The following PARP16 variants were observed in gnomAD, a reference collection of about 807,000 sequenced individuals.
PARP16 encodes the protein protein mono-ADP-ribosyltransferase PARP16.
PARP16 carries 31 observed loss-of-function variants against 35.0 expected under a neutral mutation model. The ratio of observed to expected loss-of-function variants is 0.88; its 90% CI spans 0.66 to 1.19. The LOEUF is 1.19. PARP16 is among the 50% of genes most tolerant of loss of function. The pLI, the probability that PARP16 is intolerant of heterozygous loss-of-function variation, is 0.00. For synonymous variants in PARP16, 162 were observed against 169.5 expected (o/e 0.96, Z 0.34); for missense variants, 424 against 411.2 (o/e 1.03, Z -0.27).
At chr15:65,273,316 A>G (rs1434632452) in intron 1 of PARP16, among the ~76,000 whole-genome samples, 18 of 138,894 alleles carry the variant, frequency 1.3e-4, no homozygotes, top group Non-Finnish European at 1.4e-4. Context: ...GTTCTTTTCC[A>G]TTTTTCTAGA....
chr15:65,244,898 C>G (rs1164439529), intron 3 of PARP16, among the ~76,000 whole-genome samples: 2 of 152,220 alleles, frequency 1.3e-5, no homozygotes, highest in African/African-American at 2.4e-5. Flanking sequence ...GAGTGGGCCA[C>G]TTACTCTGTG....
intron 2 of PARP16, among the ~76,000 whole-genome samples, chr15:65,250,848 C>T (rs34711258): frequency 0.38 from 58,365 of 151,942 alleles, 13,398 homozygotes; most frequent in East Asian, 0.84. Flanking sequence ...CAGTGGCGCG[C>T]GTGTGTGTGT....
chr15:65,281,640 G>A (rs1033960328), intron 1 of PARP16, among the ~76,000 whole-genome samples: 29 of 149,902 alleles, frequency 1.9e-4, no homozygotes, highest in African/African-American at 6.6e-4. Context: ...GCAGTGAGCC[G>A]AGACCGCGCC....
chr15:65,279,884 G>T (rs2140964583), intron 1 of PARP16, among the ~76,000 whole-genome samples: 1 of 146,260 alleles, frequency 6.8e-6, no homozygotes, highest in Admixed American at 6.8e-5. Context: ...AGACGTCAGG[G>T]TTTTTTTTTT....
intron 1 of PARP16, among the ~76,000 whole-genome samples, chr15:65,271,585 G>T (rs1406254302): frequency 2.0e-5 from 3 of 150,930 alleles, no homozygotes; most frequent in Admixed American, 6.6e-5. Flanking sequence ...TTGGTGGTTT[G>T]TTTTTTTTTA....
chr15:65,253,133 C>CA (rs548065703), downstream of PARP16, among the ~76,000 whole-genome samples: 3,939 of 84,662 alleles, frequency 0.047, 70 homozygotes, highest in African/African-American at 0.085. Flanking sequence ...AACTCCGTCT[C>CA]AAAAAAAAAA....
intron 3 of PARP16, among the ~76,000 whole-genome samples, chr15:65,238,296 A>C (rs570780355): frequency 1.2e-4 from 19 of 152,254 alleles, no homozygotes; most frequent in African/African-American, 4.6e-4. Flanking sequence ...AAAAGAAAAA[A>C]AAACATTTAT....
intron 3 of PARP16, 32 bp from the exon 4 acceptor site, chr15:65,263,352 C>T (rs1441484095): frequency 6.5e-7 from 1 of 1,534,564 alleles, no homozygotes; most frequent in East Asian, 2.3e-5. Context: ...AAAAGAAACA[C>T]AGATGGTTGA....
At chr15:65,262,134 CTTTTT>C (rs958810685) in intron 4 of PARP16, among the ~76,000 whole-genome samples, 3 of 132,246 alleles carry the variant, frequency 2.3e-5, no homozygotes, top group Admixed American at 7.7e-5. Flanking sequence ...TTTTTTCTTT[CTTTTT>C]TTTTTTTTTT....
chr15:65,248,083 C>T (rs1043806138), intron 3 of PARP16: 8 of 444,022 alleles, frequency 1.8e-5, no homozygotes, highest in African/African-American at 4.0e-5. Context: ...GGATTACAGG[C>T]GTGAGCCACC....
downstream of PARP16, among the ~76,000 whole-genome samples, chr15:65,233,467 G>A (rs1255692169): frequency 3.3e-5 from 5 of 151,874 alleles, no homozygotes; most frequent in Admixed American, 2.6e-4. Context: ...AGCCGGGCAC[G>A]GTGGCTCATG....
chr15:65,241,870 G>A (rs1268559516), intron 3 of PARP16, among the ~76,000 whole-genome samples: 1 of 151,764 alleles, frequency 6.6e-6, no homozygotes, highest in East Asian at 1.9e-4. Context: ...TTTTTCTAGT[G>A]GTATCATTAG....
chr15:65,269,174 T>TCTCTCTCTCTCTCTCTCTCTCTC (rs60229565), intron 2 of PARP16, among the ~76,000 whole-genome samples: 65 of 146,832 alleles, frequency 4.4e-4, no homozygotes, highest in African/African-American at 1.6e-3. Context: ...TTTAGTCGGT[T>TCTCTCTCTCTCTCTCTCTCTCTC]TTTTTCTTTC....
At chr15:65,271,097 T>G in intron 1 of PARP16, 25 bp from the exon 2 acceptor site, 1 of 1,613,518 alleles carries the variant, frequency 6.2e-7, no homozygotes, top group Non-Finnish European at 8.5e-7. Flanking sequence ...GAACTTCCAT[T>G]AGCAAGGATC....
chr15:65,234,687 C>T (rs567651185), exon 4 of PARP16: 1 of 152,360 alleles, frequency 6.6e-6, no homozygotes, highest in African/African-American at 2.4e-5. Context: ...GGAATCATCT[C>T]AGCCTCTTCA....
intron 2 of PARP16, 105 bp downstream of exon 2, chr15:65,270,830 G>T (rs1595703854): frequency 8.9e-7 from 1 of 1,129,164 alleles, no homozygotes. Flanking sequence ...TTCTCAAGCT[G>T]CCCAGGTCAC....
chr15:65,236,018 C>T (rs991736832), intron 3 of PARP16, among the ~76,000 whole-genome samples: 1 of 151,832 alleles, frequency 6.6e-6, no homozygotes, highest in African/African-American at 2.4e-5. Context: ...CCACCATGCC[C>T]AGCTATTTTT....
chr15:65,281,426 A>G (rs1327129727), intron 1 of PARP16, among the ~76,000 whole-genome samples: 1 of 152,214 alleles, frequency 6.6e-6, no homozygotes. Context: ...ACGGTGGCTC[A>G]TGCCTGTAAT....
intron 3 of PARP16, among the ~76,000 whole-genome samples, chr15:65,247,320 T>C (rs2089235995): frequency 6.6e-6 from 1 of 152,100 alleles, no homozygotes; most frequent in South Asian, 2.1e-4. Flanking sequence ...ACACACATTA[T>C]TTTATTTAAT....
Sources: allele counts gnomAD v4.1 joint callset (sites outside exome capture counted in the v4.1 genomes callset), GRCh38; gene constraint gnomAD v4.1.1; transcripts MANE v1.5; gene names NCBI Gene and HGNC (gene_info 2026-07-23, HGNC 2026-07-21).